TSKS: variants seen among roughly 807,000 people sequenced by gnomAD.
TSKS encodes testis specific serine kinase substrate, also known as testis-specific serine kinase substrate.
In TSKS, 27 loss-of-function variants were observed where a neutral mutation model predicts 68.0. The observed-to-expected ratio is 0.40, with a 90% CI of 0.29 to 0.55. The LOEUF (loss-of-function observed/expected upper bound fraction) is 0.55, where lower values mean the gene tolerates loss of function less well. TSKS is among the 20% of genes least tolerant of loss of function. The pLI is 0.53. For missense variants in TSKS, 806 were observed against 776.0 expected, an observed-to-expected ratio of 1.04 and a Z score of -0.46; for synonymous variants, 331 against 340.4, an observed-to-expected ratio of 0.97 and a Z score of 0.30.
chr19:49,754,072 AT>A (rs1336842540), intron 2 of TSKS, among the ~76,000 whole-genome samples: 1 of 150,640 alleles, frequency 6.6e-6, no homozygotes, highest in African/African-American at 2.4e-5. Flanking sequence ...TTTAGTAGAG[AT>A]GGGGGTTTCA....
rs1223132630 is a variant in TSKS, at chr19:49,744,107, G to T, written c.1361+124C>A. The T allele has an allele frequency of 3.1e-6, 3 of 979,150 alleles. No individual in the cohort carries two copies. The highest frequency in any genetic ancestry group is 4.4e-5 in the Admixed American group (2 of 45,150). 60.7% of individuals were successfully genotyped at this position (979,150 alleles called of 1,614,324 possible). On this transcript the variant is annotated intron_variant, in intron 8 of 10. Coordinates refer to ENST00000246801, the MANE Select transcript of TSKS (RefSeq NM_021733.2). ...CAGCAGGACCGGCTGTTTCTACAAT[G>T]CACTGGGATACCTTGTCTCCCAAAA...
At position 49,744,317 on chromosome 19, in the gene TSKS, C is replaced by A. The variant is rs999008010; in HGVS notation, c.1275G>T (p.Gly425=). The part of the protein sequence containing the change: ...GPLKPILEEF[G]RQFQNSRRGP... ...CTCTTCGAGAGTTCTGAAATTGCCG[C>A]CCGAACTCCTCCAGAATGGGTTTCA... The change falls in exon 8 of 11, where the codon GGG becomes GGT. Residue 425 remains glycine, a synonymous_variant. Transcript: ENST00000246801. The A allele has an allele frequency of 1.9e-6, 3 of 1,613,986 alleles. No individual in the cohort carries two copies. The African/African-American group carries it at 4.0e-5, about 22-fold the overall frequency.
chr19:49,760,340 T>TA (rs2084430087), intron 2 of TSKS, among the ~76,000 whole-genome samples: 2 of 151,750 alleles, frequency 1.3e-5, no homozygotes, highest in South Asian at 4.2e-4. Flanking sequence ...ATTTTTTTTT[T>TA]GACAGACTCT....
At chr19:49,754,429 T>C (rs772649643) in intron 2 of TSKS, among the ~76,000 whole-genome samples, 19 of 149,610 alleles carry the variant, frequency 1.3e-4, no homozygotes, top group Non-Finnish European at 2.5e-4. Context: ...AACCTGGGAG[T>C]CAGAGGTTGC....
chr19:49,763,114 C>T lies in TSKS; in HGVS notation c.134G>A (p.Gly45Glu), dbSNP rs768731129. Reference protein sequence around the residue: ...APRRVTSRAKGIPKKKKAVSF... With the variant: ...APRRVTSRAKEIPKKKKAVSF... Reference sequence around the variant, plus strand: ...CACGGCCTTCTTTTTCTTCGGGATCCCCTTGGCCCGGCTGGTCACCCTCCG... The same window carrying T: ...CACGGCCTTCTTTTTCTTCGGGATCTCCTTGGCCCGGCTGGTCACCCTCCG... Residue 45 changes from glycine (G) to glutamate (E), a missense_variant, in exon 1 of 11, where the codon GGG becomes GAG. Coordinates refer to ENST00000246801, the MANE Select transcript of TSKS (RefSeq NM_021733.2). This position sits in a 1 kb window ranked among gnomAD's most constrained non-coding sequence, Gnocchi z 4.5. 11 of 1,612,626 alleles carry T rather than the reference C, an allele frequency of 6.8e-6. No homozygotes were observed. In the Middle Eastern group the frequency reaches 1.3e-3, roughly 194 times the overall value.
chr19:49,745,400 G>T lies in TSKS; in HGVS notation c.993-4C>A. 1 of 1,537,562 alleles carries T rather than the reference G, an allele frequency of 6.5e-7. No individual in the cohort carries two copies. On this transcript the variant is annotated splice_region_variant and splice_polypyrimidine_tract_variant and intron_variant, in intron 6 of 10. Coordinates refer to ENST00000246801, the MANE Select transcript of TSKS (RefSeq NM_021733.2). ...GGTCAGTGAGGACACCTCTCTCCTG[G>T]AGGGGCAGAGGAGGGGAATGGGTAG... is the stretch of plus-strand genomic sequence containing the variant.
At chr19:49,746,917 G>A in intron 5 of TSKS, 119 bp from the exon 6 acceptor site, 1 of 1,496,880 alleles carries the variant, frequency 6.7e-7, no homozygotes, top group Non-Finnish European at 8.9e-7. Flanking sequence ...TGTGGGGACA[G>A]TATGTTGGAA....
intron 7 of TSKS, 140 bp from the exon 8 acceptor site, chr19:49,744,544 C>G (rs1163869442): frequency 2.6e-6 from 2 of 779,202 alleles, no homozygotes; most frequent in Non-Finnish European, 4.1e-6. Context: ...TCTGCTCTGA[C>G]TGGCCTCACT....
intron 6 of TSKS, among the ~76,000 whole-genome samples, 155 bp downstream of exon 6, chr19:49,746,315 A>C (rs1600190004): frequency 6.9e-6 from 1 of 145,366 alleles, no homozygotes; most frequent in African/African-American, 2.6e-5. Context: ...GTTCCCGCCC[A>C]CCTCAGGTCC....
intron 2 of TSKS, among the ~76,000 whole-genome samples, chr19:49,753,389 G>A (rs1373799547): frequency 4.0e-5 from 6 of 151,814 alleles, no homozygotes; most frequent in South Asian, 2.1e-4. Context: ...GGTGAACCCC[G>A]TCTCTACTAA....
At chr19:49,745,135 A>C (rs1600188812) in intron 7 of TSKS, 67 bp downstream of exon 7, 1 of 1,454,848 alleles carries the variant, frequency 6.9e-7, no homozygotes, top group Non-Finnish European at 9.2e-7. Flanking sequence ...TTCCCTCAAG[A>C]CCCCGCCCTC....
intron 2 of TSKS, among the ~76,000 whole-genome samples, chr19:49,760,607 TTA>T (rs2084432248): frequency 1.3e-5 from 2 of 150,402 alleles, no homozygotes; most frequent in Non-Finnish European, 3.0e-5. Flanking sequence ...AGTGCTGAGA[TTA>T]TAGGTCACTG....
chr19:49,741,534 C>A (rs2084252137), intron 9 of TSKS, among the ~76,000 whole-genome samples: 1 of 152,114 alleles, frequency 6.6e-6, no homozygotes, highest in Non-Finnish European at 1.5e-5. Context: ...TGATCTTGTA[C>A]AATGCACCGC....
intron 2 of TSKS, among the ~76,000 whole-genome samples, chr19:49,758,848 T>C (rs1391067617): frequency 1.3e-5 from 2 of 151,756 alleles, no homozygotes; most frequent in Admixed American, 6.6e-5. Flanking sequence ...CACCACTGTC[T>C]ACCTTAGTTG....
At chr19:49,743,966 C>G (rs939416124) in intron 8 of TSKS, among the ~76,000 whole-genome samples, 1 of 152,132 alleles carries the variant, frequency 6.6e-6, no homozygotes, top group Admixed American at 6.6e-5. Context: ...CTTGGTCTCC[C>G]GAAGTGCTGG....
At chr19:49,747,505 T>C (rs1200677831) in intron 4 of TSKS, 33 bp from the exon 5 acceptor site, 2 of 1,610,434 alleles carry the variant, frequency 1.2e-6, no homozygotes, top group African/African-American at 2.7e-5. Context: ...GGCCCTGCCT[T>C]CCCATTCCAG....
At chr19:49,757,782 A>G (rs2084404257) in intron 2 of TSKS, among the ~76,000 whole-genome samples, 1 of 135,090 alleles carries the variant, frequency 7.4e-6, no homozygotes, top group Non-Finnish European at 1.6e-5. Context: ...CCCCTCCTCT[A>G]TTTCTGGTCT....
intron 2 of TSKS, among the ~76,000 whole-genome samples, chr19:49,750,885 AAGAT>A: frequency 6.6e-6 from 1 of 152,296 alleles, no homozygotes; most frequent in East Asian, 1.9e-4. Flanking sequence ...TAATACACAA[AAGAT>A]AGACAGAATA....
intron 7 of TSKS, among the ~76,000 whole-genome samples, chr19:49,744,944 C>T (rs1412410007): frequency 6.6e-6 from 1 of 152,124 alleles, no homozygotes; most frequent in Admixed American, 6.6e-5. Context: ...AATTGATTTT[C>T]TCGGATCCCA....
Sources: gnomAD v4.1 joint callset for allele counts (sites outside exome capture counted in the v4.1 genomes callset) on GRCh38, gnomAD v4.1.1 for gene constraint, Gnocchi (gnomAD v3.1) non-coding constraint, MANE v1.5 for transcripts, NCBI Gene and HGNC (gene_info 2026-07-23, HGNC 2026-07-21) for gene names.